ANAPC4: variants seen among roughly 807,000 people sequenced by gnomAD.
ANAPC4 encodes anaphase-promoting complex subunit 4.
Under a neutral mutation model 119.8 loss-of-function variants are expected in ANAPC4, and 63 were observed. The observed-to-expected ratio is 0.53, with a 90% CI of 0.43 to 0.65. ANAPC4 has a LOEUF of 0.65. Ranked by LOEUF, ANAPC4 falls within the 30% of genes least tolerant of loss-of-function variation. ANAPC4 has a pLI of 0.00. For synonymous variants in ANAPC4, 283 were observed against 318.6 expected (o/e 0.89, Z 1.19); for missense variants, 716 against 945.1 (o/e 0.76, Z 3.18).
chr4:25,405,681 G>T lies in ANAPC4; in HGVS notation c.1317+62G>T. ...TGTCCTGCTTGAACTCAGCTGTGCTGGTCATTTTGGTACTCTTATTCAGTT... is the reference window on the plus strand; with the variant it reads ...TGTCCTGCTTGAACTCAGCTGTGCTTGTCATTTTGGTACTCTTATTCAGTT... On this transcript the variant is annotated intron_variant, in intron 18 of 28. Coordinates refer to ENST00000315368, the MANE Select transcript of ANAPC4 (RefSeq NM_013367.3). The surrounding 1 kb of genome is among the most constrained non-coding windows in gnomAD (Gnocchi z 4.6). The T allele has an allele frequency of 1.3e-6, 2 of 1,498,302 alleles. No individual in the cohort carries two copies. The highest frequency in any genetic ancestry group is 9.3e-7 in the Non-Finnish European group (1 of 1,080,174). 92.8% of individuals were successfully genotyped at this position (1,498,302 alleles called of 1,614,324 possible).
Position 25,394,837 on chromosome 4 carries a change from A to G in ANAPC4, c.993A>G (p.Lys331=), listed in dbSNP as rs1166915813. ...TTTCCTTTTTTAATTAGGGCTTGAA[A>G]AAGCTTGGCCAGTCTATAGAGTCAT... is the stretch of plus-strand genomic sequence containing the variant. The part of the protein sequence containing the change: ...LMNQLTVKGL[K]KLGQSIESSY... The change falls in exon 14 of 29, where the codon AAA becomes AAG. Residue 331 remains lysine (K), a synonymous_variant. Transcript: ENST00000315368. 6.2e-7 allele frequency: 1 copy of G among 1,611,808 alleles called. No individual in the cohort carries two copies.
At chr4:25,412,227 G>A (rs2109143586) in intron 21 of ANAPC4, among the ~76,000 whole-genome samples, 1 of 152,266 alleles carries the variant, frequency 6.6e-6, no homozygotes, top group South Asian at 2.1e-4. Flanking sequence ...AAGCTTCCAT[G>A]CTCTCCCAGC....
At position 25,418,226 on chromosome 4, in the gene ANAPC4, T is replaced by G; in HGVS notation, c.2271T>G (p.Ser757=). The change falls in exon 29 of 29, where the codon TCT becomes TCG. Residue 757 remains serine (S), a synonymous_variant. Coordinates refer to ENST00000315368, the MANE Select transcript of ANAPC4 (RefSeq NM_013367.3). ...ATGATGAATGGGAGCTCGATGAGTC[T>G]TCAGATGAAGAGGAGGAGGCCAGTA... ...DIDDEWELDE[S]SDEEEEASNK... 14 of 1,613,978 alleles carry G rather than the reference T, an allele frequency of 8.7e-6. No individual in the cohort carries two copies. The highest frequency in any genetic ancestry group is 1.2e-5 in the Non-Finnish European group (14 of 1,179,862).
chr4:25,399,073 T>A lies in ANAPC4; in HGVS notation c.1214+2174T>A, dbSNP rs1014049965. 2.0e-5 allele frequency among the ~76,000 whole-genome samples: 3 copies of A among 151,616 alleles called. No individual in the cohort carries two copies. The East Asian group carries it at 5.8e-4, about 29-fold the overall frequency. On this transcript the variant is annotated intron_variant, in intron 16 of 28. Coordinates refer to ENST00000315368, the MANE Select transcript of ANAPC4 (RefSeq NM_013367.3). ...AGTACTCCTTTACTTGATTCATCAT[T>A]TAAAAATATTATACTGTATTTATCA...
At chr4:25,407,436 G>C (rs898349077) in intron 20 of ANAPC4, among the ~76,000 whole-genome samples, 183 bp downstream of exon 20, 15 of 151,798 alleles carry the variant, frequency 9.9e-5, no homozygotes, top group African/African-American at 3.6e-4. Flanking sequence ...AATTATTGAG[G>C]ACTAAAAATA....
intron 16 of ANAPC4, 135 bp downstream of exon 16, chr4:25,397,034 T>C: frequency 1.2e-6 from 1 of 861,274 alleles, no homozygotes; most frequent in East Asian, 2.6e-5. Flanking sequence ...TTTATATGGT[T>C]CCGAAAAGCC....
At chr4:25,390,698 T>C (rs910995895) in intron 8 of ANAPC4, among the ~76,000 whole-genome samples, 1 of 152,184 alleles carries the variant, frequency 6.6e-6, no homozygotes. Context: ...ATTTGAGACT[T>C]GGGTAGGGGT....
intron 14 of ANAPC4, among the ~76,000 whole-genome samples, chr4:25,396,249 G>A: frequency 6.6e-6 from 1 of 152,170 alleles, no homozygotes; most frequent in East Asian, 1.9e-4. Context: ...TGTCTTCCCT[G>A]TTATACTGTC....
chr4:25,394,801 G>T, intron 13 of ANAPC4, 28 bp from the exon 14 acceptor site: 1 of 1,603,980 alleles, frequency 6.2e-7, no homozygotes, highest in South Asian at 1.1e-5. Flanking sequence ...CTGATTGTAT[G>T]CTAAATATAT....
intron 14 of ANAPC4, among the ~76,000 whole-genome samples, chr4:25,395,994 A>C (rs1009146533): frequency 6.6e-6 from 1 of 152,140 alleles, no homozygotes; most frequent in Non-Finnish European, 1.5e-5. Context: ...CCTCGCCCAC[A>C]CTGATGGCCA....
chr4:25,398,468 C>T (rs768224316), intron 16 of ANAPC4, among the ~76,000 whole-genome samples: 2 of 152,068 alleles, frequency 1.3e-5, no homozygotes, highest in Non-Finnish European at 2.9e-5. Context: ...GCATGCCTGG[C>T]ATGTTGCAGG....
intron 4 of ANAPC4, among the ~76,000 whole-genome samples, chr4:25,387,887 A>G (rs1197220413): frequency 6.6e-6 from 1 of 152,166 alleles, no homozygotes; most frequent in South Asian, 2.1e-4. Context: ...CTATAATCCT[A>G]GCACTTTGGG....
intron 4 of ANAPC4, among the ~76,000 whole-genome samples, chr4:25,387,856 G>A (rs1434519854): frequency 6.6e-6 from 1 of 152,134 alleles, no homozygotes; most frequent in Non-Finnish European, 1.5e-5. Context: ...CACATAGTAG[G>A]CCATGCATAG....
At chr4:25,388,678 C>T (rs1488632520) in intron 5 of ANAPC4, 39 bp from the exon 6 acceptor site, 3 of 1,578,014 alleles carry the variant, frequency 1.9e-6, no homozygotes, top group Admixed American at 1.8e-5. Flanking sequence ...TGTATTTTTA[C>T]TAAGAGTATT....
At chr4:25,415,333 A>G (rs1723799245) in intron 25 of ANAPC4, 133 bp from the exon 26 acceptor site, 1 of 604,638 alleles carries the variant, frequency 1.7e-6, no homozygotes, top group Non-Finnish European at 2.8e-6. Flanking sequence ...CTATCTAGGC[A>G]TTTAAACAAG....
At position 25,391,031 on chromosome 4, in the gene ANAPC4, T is replaced by A; in HGVS notation, c.705+16T>A. 6.5e-7 allele frequency: 1 copy of A among 1,544,120 alleles called. No homozygotes were observed. Among genetic ancestry groups the A allele is most frequent in the Non-Finnish European group, 8.9e-7 (1 of 1,117,438 alleles). ...ATACTTTCAGGTGAGTATTGGAACTTGATAACGGTAGAGAGTAAATATGTA... is the reference window on the plus strand; with the variant it reads ...ATACTTTCAGGTGAGTATTGGAACTAGATAACGGTAGAGAGTAAATATGTA... On this transcript the variant is annotated intron_variant, in intron 9 of 28. Coordinates refer to ENST00000315368, the MANE Select transcript of ANAPC4 (RefSeq NM_013367.3).
chr4:25,384,827 A>T lies in ANAPC4; in HGVS notation c.368+1434A>T, dbSNP rs561489039. On this transcript the variant is annotated intron_variant, in intron 4 of 28. Coordinates refer to ENST00000315368, the MANE Select transcript of ANAPC4 (RefSeq NM_013367.3). ...AAAAAAAAAAAGACTTGACAGTTGA[A>T]ATTACCATTTGACCCATACGATGCA... 3.3e-5 allele frequency among the ~76,000 whole-genome samples: 5 copies of T among 152,238 alleles called. 1 individual carries two copies. In the South Asian group the frequency reaches 6.2e-4, roughly 19 times the overall value.
intron 1 of ANAPC4, 33 bp downstream of exon 1, chr4:25,377,377 C>A: frequency 6.2e-7 from 1 of 1,604,624 alleles, no homozygotes. Context: ...TCGTGGAGAG[C>A]CGGGGGCTCC....
chr4:25,414,209 G>T (rs1458084792), intron 22 of ANAPC4, 115 bp from the exon 23 acceptor site: 2 of 664,362 alleles, frequency 3.0e-6, no homozygotes, highest in Non-Finnish European at 4.8e-6. Flanking sequence ...TACAAGGTTT[G>T]GTGATGTAGG....
Sources: allele counts gnomAD v4.1 joint callset (sites outside exome capture counted in the v4.1 genomes callset), GRCh38; gene constraint gnomAD v4.1.1; non-coding constraint Gnocchi (gnomAD v3.1); transcripts MANE v1.5; gene names NCBI Gene and HGNC (gene_info 2026-07-23, HGNC 2026-07-21).